The following AUTS2 variants were observed in gnomAD, a reference collection of about 807,000 sequenced individuals.
AUTS2 encodes the protein activator of transcription and developmental regulator AUTS2, also known as autism susceptibility gene 2 protein.
Under a neutral mutation model 112.4 loss-of-function variants are expected in AUTS2, and 17 were observed. That is an observed-to-expected ratio of 0.15 (90% confidence interval 0.10 to 0.23). AUTS2 has a LOEUF of 0.23. AUTS2 is among the 10% of genes least tolerant of loss of function. The probability of loss-of-function intolerance (pLI) is 1.00; values close to 1 mark genes in which losing one functional copy is unlikely to be tolerated. For synonymous variants in AUTS2, 751 were observed against 702.7 expected, an observed-to-expected ratio of 1.07 and a Z score of -1.09; for missense variants, 1,510 against 1,701.6, an observed-to-expected ratio of 0.89 and a Z score of 1.98.
chr7:70,014,983 A>C (rs901226491), intron 2 of AUTS2, among the ~76,000 whole-genome samples: 4 of 152,262 alleles, frequency 2.6e-5, no homozygotes, highest in African/African-American at 9.6e-5. Context: ...TCTTGGAATG[A>C]GAAAATTATG....
At position 70,643,299 on chromosome 7, in the gene AUTS2, G is replaced by A. The variant is rs137905640; in HGVS notation, c.691-55270G>A. 1.8e-3 allele frequency among the ~76,000 whole-genome samples: 278 copies of A among 152,348 alleles called. 2 individuals are homozygous for A. Among genetic ancestry groups the A allele is most frequent in the African/African-American group, 5.5e-3 (230 of 41,588 alleles). On this transcript the variant is annotated intron_variant, in intron 5 of 18. Coordinates refer to ENST00000342771, the MANE Select transcript of AUTS2 (RefSeq NM_015570.4). ...AAAATGTGCCTAATCTAGGCCAGGC[G>A]TGGTGGCTCACGCCCGTAATCCCAG...
chr7:69,808,544 A>G (rs1425292872), intron 1 of AUTS2, among the ~76,000 whole-genome samples: 1 of 152,154 alleles, frequency 6.6e-6, no homozygotes, highest in Non-Finnish European at 1.5e-5. Context: ...GTTTGCGCTT[A>G]GGCACTAAAT....
At chr7:70,645,954 T>C (rs1314962490) in intron 5 of AUTS2, among the ~76,000 whole-genome samples, 5 of 152,160 alleles carry the variant, frequency 3.3e-5, no homozygotes, top group Admixed American at 1.3e-4. Context: ...TTTTTTTCTT[T>C]GGCCGTTAAC....
At chr7:70,569,835 T>A (rs1351776330) in intron 5 of AUTS2, among the ~76,000 whole-genome samples, 1 of 152,142 alleles carries the variant, frequency 6.6e-6, no homozygotes, top group Non-Finnish European at 1.5e-5. Flanking sequence ...CGTAAACCCC[T>A]GCACTATTTT....
At chr7:69,813,349 G>T (rs1368275369) in intron 1 of AUTS2, among the ~76,000 whole-genome samples, 3 of 152,240 alleles carry the variant, frequency 2.0e-5, no homozygotes, top group South Asian at 2.1e-4. Context: ...GGAAGTCTTT[G>T]TTGGAATTGT....
intron 4 of AUTS2, among the ~76,000 whole-genome samples, chr7:70,383,004 T>C (rs1265390733): frequency 6.6e-6 from 1 of 152,208 alleles, no homozygotes; most frequent in Non-Finnish European, 1.5e-5. Flanking sequence ...TATATATTTT[T>C]CCAGAACTGA....
At chr7:69,675,569 T>G (rs1796526372) in intron 1 of AUTS2, among the ~76,000 whole-genome samples, 1 of 144,252 alleles carries the variant, frequency 6.9e-6, no homozygotes, top group Admixed American at 7.3e-5. Context: ...AGTGCAGTGG[T>G]GTGGTCTCAT....
intron 5 of AUTS2, among the ~76,000 whole-genome samples, chr7:70,454,786 A>C (rs975233825): frequency 6.6e-6 from 1 of 152,144 alleles, no homozygotes; most frequent in East Asian, 1.9e-4. Context: ...GAAGGTGCAG[A>C]CCTCATCACC....
chr7:69,651,015 T>A (rs558415944), intron 1 of AUTS2, among the ~76,000 whole-genome samples: 1 of 152,310 alleles, frequency 6.6e-6, no homozygotes, highest in East Asian at 1.9e-4. Flanking sequence ...TTCTGTTAAG[T>A]GTGCTGAAAG....
intron 2 of AUTS2, among the ~76,000 whole-genome samples, chr7:70,014,476 A>G (rs1382675861): frequency 6.6e-6 from 1 of 152,236 alleles, no homozygotes; most frequent in Non-Finnish European, 1.5e-5. Flanking sequence ...TCTCATTGCA[A>G]TATTTTGTTC....
chr7:70,059,096 A>G (rs537752305), intron 2 of AUTS2, among the ~76,000 whole-genome samples: 3 of 152,174 alleles, frequency 2.0e-5, no homozygotes, highest in Non-Finnish European at 4.4e-5. Flanking sequence ...CACAAATATA[A>G]AACGGCATGT....
chr7:70,220,026 G>C (rs1424239535), intron 4 of AUTS2, among the ~76,000 whole-genome samples: 4 of 152,130 alleles, frequency 2.6e-5, no homozygotes, highest in Admixed American at 2.6e-4. Context: ...TTTGTGCAAG[G>C]CTTGGCAACC....
chr7:70,256,046 A>G (rs188086034), intron 4 of AUTS2, among the ~76,000 whole-genome samples: 15 of 152,236 alleles, frequency 9.9e-5, no homozygotes, highest in Non-Finnish European at 1.6e-4. Context: ...TGGTGTTTCC[A>G]TTTGTGGCAT....
intron 6 of AUTS2, among the ~76,000 whole-genome samples, chr7:70,737,998 T>G (rs1369010241): frequency 6.6e-6 from 1 of 152,030 alleles, no homozygotes; most frequent in East Asian, 1.9e-4. Context: ...ATTTGAAGGC[T>G]TGTACGGAAG....
chr7:70,777,717 T>C (rs1790799625), intron 14 of AUTS2, among the ~76,000 whole-genome samples: 1 of 152,238 alleles, frequency 6.6e-6, no homozygotes, highest in Admixed American at 6.5e-5. Flanking sequence ...CAGGGTTTTG[T>C]TCCCTTTATA....
chr7:70,116,660 C>G (rs1002903838), intron 2 of AUTS2, among the ~76,000 whole-genome samples: 2 of 152,200 alleles, frequency 1.3e-5, no homozygotes, highest in Non-Finnish European at 1.5e-5. Context: ...GATCATTTCC[C>G]AGCATGTTGC....
chr7:70,215,637 T>A (rs1322606206), intron 4 of AUTS2, among the ~76,000 whole-genome samples: 1 of 152,120 alleles, frequency 6.6e-6, no homozygotes, highest in East Asian at 1.9e-4. Flanking sequence ...TACTCAGAGC[T>A]CTTTGGGGGT....
intron 1 of AUTS2, among the ~76,000 whole-genome samples, chr7:69,756,504 C>T (rs1787950990): frequency 6.6e-6 from 1 of 152,116 alleles, no homozygotes; most frequent in Non-Finnish European, 1.5e-5. Context: ...CTCATAAAAG[C>T]TCTTTGTGTA....
chr7:70,611,722 G>C (rs533969316), intron 5 of AUTS2, among the ~76,000 whole-genome samples: 1 of 152,304 alleles, frequency 6.6e-6, no homozygotes, highest in East Asian at 1.9e-4. Context: ...CTTTACTGTG[G>C]ACTGTGGAAA....
Sources: gnomAD v4.1 joint callset for allele counts (sites outside exome capture counted in the v4.1 genomes callset) on GRCh38, gnomAD v4.1.1 for gene constraint, MANE v1.5 for transcripts, NCBI Gene and HGNC (gene_info 2026-07-23, HGNC 2026-07-21) for gene names.